Variants in TRMT44 observed in about 807,000 individuals in gnomAD.
TRMT44 encodes probable tRNA (uracil-O(2)-)-methyltransferase.
TRMT44 carries 78 observed loss-of-function variants against 77.3 expected under a neutral mutation model. The observed-to-expected ratio is 1.01, with a 90% CI of 0.84 to 1.22. The LOEUF (loss-of-function observed/expected upper bound fraction) is 1.22, where lower values mean the gene tolerates loss of function less well. TRMT44 is among the 50% of genes most tolerant of loss of function. TRMT44 has a pLI of 0.00. For synonymous variants in TRMT44, 391 were observed against 383.3 expected, an observed-to-expected ratio of 1.02 and a Z score of -0.23; for missense variants, 1,090 against 964.4, an observed-to-expected ratio of 1.13 and a Z score of -1.73.
rs543295899 is a variant in TRMT44 at position 8,446,284 on chromosome 4, G to A, written c.620-192G>A. On this transcript the variant is annotated intron_variant, in intron 1 of 10. Transcript: ENST00000389737. The surrounding 1 kb of genome is among the most constrained non-coding windows in gnomAD (Gnocchi z 4.3). ...TACTTGCAGAGAATGGCTGCTGTAT[G>A]CCTGGCACATTCTAGGCTGTGGGCT... Among the ~76,000 whole-genome samples the A allele has an allele frequency of 1.4e-4, 21 of 152,316 alleles. No individual in the cohort carries two copies. Among genetic ancestry groups the A allele is most frequent in the African/African-American group, 5.1e-4 (21 of 41,552 alleles).
At chr4:8,472,541 CAT>C (rs749970315) in intron 10 of TRMT44, among the ~76,000 whole-genome samples, 84 of 152,318 alleles carry the variant, frequency 5.5e-4, no homozygotes, top group East Asian at 2.9e-3. Context: ...TGCCATTCCT[CAT>C]GTGTACACAA....
intron 1 of TRMT44, among the ~76,000 whole-genome samples, chr4:8,443,485 C>T (rs1294944842): frequency 6.6e-6 from 1 of 152,182 alleles, no homozygotes; most frequent in Non-Finnish European, 1.5e-5. Flanking sequence ...CAATTACAAG[C>T]TGTATGGCTG....
At chr4:8,501,901 C>A in the TRMT44 span, among the ~76,000 whole-genome samples, 68 of 152,320 alleles carry the variant, frequency 4.5e-4, no homozygotes, top group Non-Finnish European at 8.4e-4. This position sits in a 1 kb window ranked among gnomAD's most constrained non-coding sequence, Gnocchi z 4.4. Context: ...CTGACCCCTG[C>A]CCACATCTCT....
chr4:8,486,026 C>T (rs560202273), intron 2 of TRMT44, among the ~76,000 whole-genome samples: 10 of 152,236 alleles, frequency 6.6e-5, no homozygotes, highest in East Asian at 1.9e-4. Flanking sequence ...CCAAGGTGAT[C>T]GGGCAGCGTC....
chr4:8,465,449 G>A lies in TRMT44; in HGVS notation c.1382G>A (p.Arg461Lys), dbSNP rs1439807965. ...FFDFIGRYSR[R>K]QSKKTQYREY... ...GACTTCATTGGAAGATACTCCCGGA[G>A]GCAGAGTAAGAAGACTCAGTACCGG... Residue 461 changes from arginine (R) to lysine (K), a missense_variant, in exon 8 of 11, where the codon AGG (arginine) becomes AAG (lysine). Physicochemically the swap from Arg to Lys is conservative, Grantham distance 26 (BLOSUM62 2). Coordinates refer to ENST00000389737, the MANE Select transcript of TRMT44 (RefSeq NM_152544.3). 2 of 1,614,118 alleles carry A rather than the reference G, an allele frequency of 1.2e-6. No individual in the cohort carries two copies. The highest frequency in any genetic ancestry group is 1.7e-5 in the Admixed American group (1 of 60,014).
At chr4:8,482,690 C>G (rs987720540) in intron 2 of TRMT44, among the ~76,000 whole-genome samples, 8 of 152,048 alleles carry the variant, frequency 5.3e-5, no homozygotes, top group Non-Finnish European at 1.2e-4. Context: ...CAAGGACAGG[C>G]CATGTACACT....
intron 7 of TRMT44, among the ~76,000 whole-genome samples, chr4:8,465,083 G>A (rs202166287): frequency 2.0e-5 from 3 of 152,226 alleles, no homozygotes; most frequent in East Asian, 3.9e-4. Context: ...GTGAGGGAGA[G>A]GGCAGAGTTT....
Position 8,464,457 on chromosome 4 carries a change from A to C in TRMT44, c.1310+366A>C, listed in dbSNP as rs563356722. ...CTGAAAACATGAGGCTTTGCCTTTA[A>C]AGGGGAAATCTACCCATCGATAGAC... On this transcript the variant is annotated intron_variant, in intron 7 of 10. Transcript: ENST00000389737. Among the ~76,000 whole-genome samples, 32 of 152,318 alleles carry C rather than the reference A, an allele frequency of 2.1e-4. No homozygotes were observed. In the South Asian group the frequency reaches 6.6e-3, roughly 32 times the overall value.
At chr4:8,489,391 C>G (rs966642880) in intron 2 of TRMT44, among the ~76,000 whole-genome samples, 1 of 152,228 alleles carries the variant, frequency 6.6e-6, no homozygotes, top group African/African-American at 2.4e-5. Flanking sequence ...CCCCATCTTA[C>G]CTTTCCCTCA....
Position 8,475,795 on chromosome 4 carries a change from C to T in TRMT44, c.2068C>T (p.Arg690Cys), listed in dbSNP as rs371865161. 18 of 1,613,970 alleles carry T rather than the reference C, an allele frequency of 1.1e-5. No homozygotes were observed. The highest frequency in any genetic ancestry group is 4.4e-5 in the South Asian group (4 of 91,082). Residue 690 changes from arginine (R) to cysteine (C), a missense_variant, in exon 11 of 11, where the codon CGC (arginine) becomes TGC (cysteine). By Grantham distance (180) the Arg-to-Cys change is radical. Transcript: ENST00000389737. The part of the protein sequence containing the change: ...FQVVNGRVHI[R>C]DWREETLWKT... ...AGTTGTGAATGGGAGAGTTCACATC[C>T]GCGACTGGCGAGAGGAGACACTGTG...
Position 8,476,267 on chromosome 4 carries a change from T to C in TRMT44, c.*266T>C, listed in dbSNP as rs1055010784. The C allele has an allele frequency of 2.7e-5, 14 of 524,988 alleles. No homozygotes were observed. The highest frequency in any genetic ancestry group is 2.5e-4 in the African/African-American group (13 of 52,464). The allele number at this position is 524,988 out of a possible 1,614,324, so 32.5% of individuals were successfully genotyped here. A position where few individuals can be genotyped will look rare whatever the true frequency, so the allele number is the denominator to read the frequency against. ...GCGCAGCATCTTCATATCATAAAGA[T>C]TGTGCACGGATCCTTACAATGTCTC... On this transcript the variant is annotated 3_prime_UTR_variant, in exon 11 of 11. Coordinates refer to ENST00000389737, the MANE Select transcript of TRMT44 (RefSeq NM_152544.3).
At chr4:8,454,890 T>C (rs1201579053) in intron 6 of TRMT44, 77 bp downstream of exon 6, 2 of 1,322,130 alleles carry the variant, frequency 1.5e-6, no homozygotes, top group African/African-American at 1.4e-5. Context: ...TGAATGTGTC[T>C]CTTTGTATAG....
At chr4:8,500,659 C>CTT in the TRMT44 span, among the ~76,000 whole-genome samples, 2,981 of 140,538 alleles carry the variant, frequency 0.021, 59 homozygotes, top group African/African-American at 0.048. Flanking sequence ...GCACTGTTTA[C>CTT]TTTTTTTTTT....
At position 8,465,754 on chromosome 4, in the gene TRMT44, A is replaced by AC. The variant is rs111414848; in HGVS notation, c.1494+196dup. On this transcript the variant is annotated intron_variant, in intron 8 of 10. Transcript: ENST00000389737. ...GTCCCATGGTGCCCTCCTTAAAGGCACCCGGTGCTCCCTCCTCCAGGCCTG... is the reference window on the plus strand; with the variant it reads ...GTCCCATGGTGCCCTCCTTAAAGGCACCCCGGTGCTCCCTCCTCCAGGCCTG... Among the ~76,000 whole-genome samples, 206 of 151,676 alleles carry AC rather than the reference A, an allele frequency of 1.4e-3. 1 individual carries two copies. The highest frequency in any genetic ancestry group is 6.1e-3 in the South Asian group (29 of 4,782).
At chr4:8,515,523 C>A in the TRMT44 span, among the ~76,000 whole-genome samples, 1 of 152,242 alleles carries the variant, frequency 6.6e-6, no homozygotes, top group South Asian at 2.1e-4. Context: ...CAGCAAGTGT[C>A]ACCAGGGGCA....
At position 8,471,184 on chromosome 4, in the gene TRMT44, C is replaced by A. The variant is rs775648793; in HGVS notation, c.2028C>A (p.Ser676Arg). The change falls in exon 10 of 11, where the codon AGC (serine) becomes AGA (arginine). Residue 676 changes from serine to arginine, a missense_variant. Transcript: ENST00000389737. ...GCCTGCAGACGCTGCTCCGGAACAG[C>A]CACCAGGTGTTCCAAGGTACGGAGT... Reference protein sequence around the residue: ...CGGLQTLLRNSHQVFQVVNGR... With the variant: ...CGGLQTLLRNRHQVFQVVNGR... 3 of 1,597,910 alleles carry A rather than the reference C, an allele frequency of 1.9e-6. No individual in the cohort carries two copies. The highest frequency in any genetic ancestry group is 2.6e-6 in the Non-Finnish European group (3 of 1,172,268).
chr4:8,458,459 C>CTT (rs1156752172), intron 6 of TRMT44, among the ~76,000 whole-genome samples: 25 of 142,750 alleles, frequency 1.8e-4, no homozygotes, highest in South Asian at 6.6e-4. Flanking sequence ...ATTTTCTTTT[C>CTT]TTTTCTTTTT....
In TRMT44 at chr4:8,475,978, A is replaced by AC. The variant is rs774099448; in HGVS notation, c.2255dup (p.Arg753GlufsTer74). On this transcript the variant is annotated frameshift_variant, in exon 11 of 11. Coordinates refer to ENST00000389737, the MANE Select transcript of TRMT44 (RefSeq NM_152544.3). LOFTEE classifies it high-confidence loss of function. ...TGCGGAGCTGCGGCCACCCCGGACC[A>AC]CCCCGAGGAAGAAGATTTCATGAGC... 1.9e-6 allele frequency: 3 copies of AC among 1,613,714 alleles called. No homozygotes were observed. Among genetic ancestry groups the AC allele is most frequent in the Non-Finnish European group, 2.5e-6 (3 of 1,179,908 alleles).
At position 8,449,949 on chromosome 4, in the gene TRMT44, CTTTTTT is replaced by C. The variant is rs745915221; in HGVS notation, c.954+81_954+86del. On this transcript the variant is annotated intron_variant, in intron 3 of 10. Transcript: ENST00000389737. ...TCATGATTTTCTTTTCTTTTCTTTT[CTTTTTT>C]TTTTTTTTTTTTTTTTTTTGCGACA... 202 of 238,836 alleles carry C rather than the reference CTTTTTT, an allele frequency of 8.5e-4. 1 individual carries two copies. Among genetic ancestry groups the C allele is most frequent in the Admixed American group, 1.4e-3 (11 of 7,994 alleles). 14.8% of individuals were successfully genotyped at this position (238,836 alleles called of 1,614,324 possible). A position where few individuals can be genotyped will look rare whatever the true frequency, so the allele number is the denominator to read the frequency against.
Sources: allele counts gnomAD v4.1 joint callset (sites outside exome capture counted in the v4.1 genomes callset), GRCh38; gene constraint gnomAD v4.1.1; non-coding constraint Gnocchi (gnomAD v3.1); transcripts MANE v1.5; gene names NCBI Gene and HGNC (gene_info 2026-07-23, HGNC 2026-07-21).